The following TNIP3 variants were observed in gnomAD, a reference collection of about 807,000 sequenced individuals.
The protein encoded by TNIP3 is TNFAIP3-interacting protein 3.
TNIP3 carries 34 observed loss-of-function variants against 54.1 expected under a neutral mutation model. That is an observed-to-expected ratio of 0.63 (90% CI 0.48 to 0.84). TNIP3 has a LOEUF of 0.84. Among genes scored for constraint, TNIP3 ranks in the 40% least tolerant of loss-of-function variants. The pLI is 0.00. For missense variants in TNIP3, 366 were observed against 387.6 expected (o/e 0.94, Z 0.47); for synonymous variants, 134 against 136.8 (o/e 0.98, Z 0.14).
chr4:121,162,250 TTTCTC>T (rs1358471023), intron 1 of TNIP3, among the ~76,000 whole-genome samples: 2 of 152,250 alleles, frequency 1.3e-5, no homozygotes, highest in Non-Finnish European at 1.5e-5. Flanking sequence ...TTTTCTATCT[TTTCTC>T]TGTTTGTTTA....
chr4:121,198,312 C>T (rs1485564681), intron 2 of TNIP3, among the ~76,000 whole-genome samples: 1 of 152,078 alleles, frequency 6.6e-6, no homozygotes, highest in Non-Finnish European at 1.5e-5. Context: ...TAAAGAATTG[C>T]ATTTAGAGAA....
At chr4:121,170,833 A>G (rs1480223648) in intron 3 of TNIP3, among the ~76,000 whole-genome samples, 4 of 150,944 alleles carry the variant, frequency 2.6e-5, no homozygotes, top group Non-Finnish European at 5.9e-5. Context: ...TTTTTTTTTT[A>G]AAGAAGGAAT....
rs767626717 is a variant in TNIP3, at chr4:121,132,589, G to C, written c.*42C>G. 11 of 1,597,778 alleles carry C rather than the reference G, an allele frequency of 6.9e-6. No homozygotes were observed. Among genetic ancestry groups the C allele is most frequent in the Non-Finnish European group, 8.6e-6 (10 of 1,165,734 alleles). On this transcript the variant is annotated 3_prime_UTR_variant, in exon 11 of 11. Transcript: ENST00000057513. ...AACAAAGAAGAGGGTCCTCAGCCAC[G>C]CTCCCTCGTTGCCTGTTGTCTCTCT...
chr4:121,193,823 T>C (rs1725427763), intron 2 of TNIP3, among the ~76,000 whole-genome samples: 1 of 152,132 alleles, frequency 6.6e-6, no homozygotes, highest in Non-Finnish European at 1.5e-5. Context: ...GTTTCACATC[T>C]GTAATATTCT....
chr4:121,177,064 G>T (rs1724401986), intron 3 of TNIP3, among the ~76,000 whole-genome samples: 1 of 152,066 alleles, frequency 6.6e-6, no homozygotes, highest in African/African-American at 2.4e-5. Flanking sequence ...TTCACTCCCA[G>T]GTTTCATCCT....
chr4:121,207,704 T>C (rs1726261722), intron 2 of TNIP3, among the ~76,000 whole-genome samples: 1 of 152,198 alleles, frequency 6.6e-6, no homozygotes, highest in South Asian at 2.1e-4. Flanking sequence ...GTGAAAGATA[T>C]CTGACCTAAC....
chr4:121,138,512 C>A, intron 10 of TNIP3, 112 bp downstream of exon 10: 1 of 1,042,088 alleles, frequency 9.6e-7, no homozygotes. Flanking sequence ...TGTAACACAA[C>A]TTTATAGTAA....
chr4:121,219,829 A>G (rs973949743), upstream of TNIP3, among the ~76,000 whole-genome samples: 1 of 152,240 alleles, frequency 6.6e-6, no homozygotes, highest in Non-Finnish European at 1.5e-5. Context: ...AGAAAGGACT[A>G]GAAGCTGACA....
At chr4:121,138,906 C>T (rs771472967) in intron 9 of TNIP3, among the ~76,000 whole-genome samples, 1 of 152,074 alleles carries the variant, frequency 6.6e-6, no homozygotes, top group Non-Finnish European at 1.5e-5. Context: ...AGAATTTCTA[C>T]CACTTTGAGG....
At chr4:121,209,798 T>C (rs1726381634) in intron 2 of TNIP3, among the ~76,000 whole-genome samples, 1 of 152,224 alleles carries the variant, frequency 6.6e-6, no homozygotes, top group Non-Finnish European at 1.5e-5. Flanking sequence ...ATGCAACTTT[T>C]ATTCACTCAC....
chr4:121,219,011 C>G (rs1005078544), upstream of TNIP3, among the ~76,000 whole-genome samples: 1 of 152,076 alleles, frequency 6.6e-6, no homozygotes. Context: ...ACCAGCCTGA[C>G]CAAAATGGAG....
chr4:121,175,983 T>C (rs1257690416), intron 3 of TNIP3, among the ~76,000 whole-genome samples: 1 of 152,238 alleles, frequency 6.6e-6, no homozygotes, highest in Non-Finnish European at 1.5e-5. Flanking sequence ...ATGCCTGATA[T>C]TCATGTAGAG....
intron 1 of TNIP3, among the ~76,000 whole-genome samples, chr4:121,163,186 G>A (rs1233609582): frequency 2.0e-5 from 3 of 152,132 alleles, no homozygotes; most frequent in African/African-American, 7.2e-5. Context: ...AAAACATAGT[G>A]ACTAGGAATG....
chr4:121,139,664 C>A (rs1728995588), intron 9 of TNIP3, among the ~76,000 whole-genome samples: 1 of 152,228 alleles, frequency 6.6e-6, no homozygotes, highest in Admixed American at 6.5e-5. Context: ...CTCAATAAGA[C>A]ACTGAGAAAT....
upstream of TNIP3, among the ~76,000 whole-genome samples, chr4:121,165,851 G>A (rs1579425248): frequency 6.6e-6 from 1 of 151,794 alleles, no homozygotes; most frequent in African/African-American, 2.4e-5. Flanking sequence ...CTGACTTTAG[G>A]GTACAGAAGC....
chr4:121,205,090 G>T (rs755724191), intron 2 of TNIP3, among the ~76,000 whole-genome samples: 1 of 152,116 alleles, frequency 6.6e-6, no homozygotes, highest in African/African-American at 2.4e-5. Flanking sequence ...CAGGTAATAG[G>T]TGTCATAGAA....
intron 9 of TNIP3, among the ~76,000 whole-genome samples, chr4:121,139,761 G>A (rs192409630): frequency 1.1e-4 from 17 of 152,230 alleles, no homozygotes; most frequent in African/African-American, 4.1e-4. Context: ...AAAGCTAGAA[G>A]AGGAAATGAG....
chr4:121,146,447 A>G (rs551990084), intron 7 of TNIP3, among the ~76,000 whole-genome samples: 1 of 152,324 alleles, frequency 6.6e-6, no homozygotes, highest in East Asian at 1.9e-4. Context: ...TCCTTCATTA[A>G]CATCACTATT....
intron 3 of TNIP3, among the ~76,000 whole-genome samples, chr4:121,175,586 C>T (rs1308976793): frequency 6.6e-6 from 1 of 152,216 alleles, no homozygotes; most frequent in Admixed American, 6.5e-5. Context: ...AGACAATCTG[C>T]ATCTCCCAGT....
Sources: gnomAD v4.1 joint callset for allele counts (sites outside exome capture counted in the v4.1 genomes callset) on GRCh38, gnomAD v4.1.1 for gene constraint, MANE v1.5 for transcripts, NCBI Gene and HGNC (gene_info 2026-07-23, HGNC 2026-07-21) for gene names.